KDM4C: variants seen among roughly 807,000 people sequenced by gnomAD.
KDM4C encodes the protein lysine demethylase 4C.
Under a neutral mutation model 129.3 loss-of-function variants are expected in KDM4C, and 81 were observed. The observed-to-expected ratio is 0.63, with a 90% CI of 0.52 to 0.75. The LOEUF (loss-of-function observed/expected upper bound fraction) is 0.75. Among genes scored for constraint, KDM4C ranks in the 30% least tolerant of loss-of-function variants. The pLI is 0.00. For missense variants in KDM4C, 1,457 were observed against 1,304.0 expected, an observed-to-expected ratio of 1.12 and a Z score of -1.81; for synonymous variants, 573 against 456.1, an observed-to-expected ratio of 1.26 and a Z score of -3.26.
chr9:7,103,594 T>TTTCTTC, intron 17 of KDM4C, 91 bp from the exon 18 acceptor site: 3 of 969,024 alleles, frequency 3.1e-6, no homozygotes, highest in South Asian at 1.7e-5. Context: ...TTTTTTTTTT[T>TTTCTTC]TCTTCTCTAG....
intron 18 of KDM4C, among the ~76,000 whole-genome samples, chr9:7,108,314 G>T (rs553845543): frequency 4.9e-4 from 75 of 152,168 alleles, no homozygotes; most frequent in African/African-American, 1.8e-3. Context: ...TCGACTCACT[G>T]CAACCTCTGC....
At chr9:7,125,135 C>T (rs1839904135) in intron 18 of KDM4C, among the ~76,000 whole-genome samples, 1 of 152,138 alleles carries the variant, frequency 6.6e-6, no homozygotes, top group Admixed American at 6.5e-5. Flanking sequence ...GTGCCCTGAC[C>T]CCTGCTCCCC....
intron 17 of KDM4C, among the ~76,000 whole-genome samples, chr9:7,051,781 C>A (rs1448141184): frequency 1.3e-5 from 2 of 152,166 alleles, no homozygotes; most frequent in African/African-American, 4.8e-5. Flanking sequence ...ATTTAGATGT[C>A]ATAATCAATT....
At chr9:6,761,804 T>G (rs1351178567) in intron 1 of KDM4C, among the ~76,000 whole-genome samples, 2 of 151,978 alleles carry the variant, frequency 1.3e-5, no homozygotes, top group Non-Finnish European at 2.9e-5. Context: ...TCTCCCAACC[T>G]CTGTCTCTTT....
intron 8 of KDM4C, among the ~76,000 whole-genome samples, chr9:6,951,998 C>T (rs1418515450): frequency 6.6e-6 from 1 of 151,976 alleles, no homozygotes. Context: ...CCTGCTGTTA[C>T]TTAGCTCATA....
chr9:6,836,063 A>G (rs1285449743), intron 4 of KDM4C, among the ~76,000 whole-genome samples: 6 of 151,934 alleles, frequency 3.9e-5, no homozygotes. Flanking sequence ...CCCCAGCTTG[A>G]GATGTATGAA....
chr9:7,136,414 T>G (rs1467708786), intron 19 of KDM4C, among the ~76,000 whole-genome samples: 1 of 152,232 alleles, frequency 6.6e-6, no homozygotes, highest in Non-Finnish European at 1.5e-5. Flanking sequence ...CAAACTGTTT[T>G]CCAAAGTGGC....
intron 2 of KDM4C, among the ~76,000 whole-genome samples, chr9:6,793,790 G>A (rs537147786): frequency 1.6e-4 from 24 of 151,900 alleles, no homozygotes; most frequent in Non-Finnish European, 2.4e-4. Flanking sequence ...TGATCCATCC[G>A]CCTCGGCTTC....
chr9:6,911,479 G>A lies in KDM4C; in HGVS notation c.921+18247G>A, dbSNP rs572493987. 1.1e-4 allele frequency among the ~76,000 whole-genome samples: 17 copies of A among 152,248 alleles called. No individual in the cohort carries two copies. In the South Asian group the frequency reaches 1.2e-3, roughly 11 times the overall value. On this transcript the variant is annotated intron_variant, in intron 8 of 21. Coordinates refer to ENST00000381309, the MANE Select transcript of KDM4C (RefSeq NM_015061.6). Reference sequence around the variant, plus strand: ...ATGATTTTGATGAATTACATATCCCGATTAAGAAAATAAGCTAGTACATTA... The same window carrying A: ...ATGATTTTGATGAATTACATATCCCAATTAAGAAAATAAGCTAGTACATTA...
At chr9:6,970,818 G>T in intron 8 of KDM4C, among the ~76,000 whole-genome samples, 1 of 17,140 alleles carries the variant, frequency 5.8e-5, no homozygotes, top group African/African-American at 2.6e-4. Flanking sequence ...CCCCCACCCC[G>T]GTCTCACCCC....
At chr9:7,157,791 T>C (rs1173578414) in intron 19 of KDM4C, among the ~76,000 whole-genome samples, 1 of 152,234 alleles carries the variant, frequency 6.6e-6, no homozygotes, top group Non-Finnish European at 1.5e-5. Context: ...TCAGTGCTCA[T>C]CAGGGATATT....
At chr9:6,813,107 G>A (rs1382810182) in intron 3 of KDM4C, among the ~76,000 whole-genome samples, 9 of 152,076 alleles carry the variant, frequency 5.9e-5, no homozygotes, top group Non-Finnish European at 4.4e-5. Flanking sequence ...CCTGGGAGGC[G>A]GAGGTTTCAG....
At chr9:6,752,108 C>A (rs188548004) in intron 1 of KDM4C, among the ~76,000 whole-genome samples, 2 of 150,010 alleles carry the variant, frequency 1.3e-5, no homozygotes, top group African/African-American at 5.0e-5. Context: ...CCGAGACGGG[C>A]GGATCACGAG....
At chr9:6,834,771 C>T (rs1466610979) in intron 4 of KDM4C, 16 of 1,209,310 alleles carry the variant, frequency 1.3e-5, no homozygotes, top group Non-Finnish European at 2.0e-5. Flanking sequence ...ATGCTGCTGA[C>T]CGAGGCCCCC....
intron 11 of KDM4C, among the ~76,000 whole-genome samples, chr9:6,989,795 G>A (rs1041722196): frequency 6.6e-6 from 1 of 151,972 alleles, no homozygotes; most frequent in Non-Finnish European, 1.5e-5. Context: ...TATTTTTGGC[G>A]ACAGGGTCTT....
At chr9:6,948,877 T>C (rs1365684691) in intron 8 of KDM4C, among the ~76,000 whole-genome samples, 1 of 152,174 alleles carries the variant, frequency 6.6e-6, no homozygotes, top group East Asian at 1.9e-4. Flanking sequence ...CTCCTATGTC[T>C]ACTTCTTTCT....
At chr9:6,760,611 C>T (rs1819263784) in intron 1 of KDM4C, among the ~76,000 whole-genome samples, 2 of 151,572 alleles carry the variant, frequency 1.3e-5, no homozygotes, top group Admixed American at 1.3e-4. Context: ...CACTCTGTTG[C>T]CCAGGCTGGA....
intron 4 of KDM4C, among the ~76,000 whole-genome samples, chr9:6,833,193 A>G (rs1438870217): frequency 6.6e-6 from 1 of 152,158 alleles, no homozygotes; most frequent in African/African-American, 2.4e-5. Context: ...GATTTTCTAC[A>G]AGAGCCATCT....
intron 3 of KDM4C, among the ~76,000 whole-genome samples, 180 bp from the exon 4 acceptor site, chr9:6,814,450 TC>T (rs1389488741): frequency 6.6e-6 from 1 of 152,218 alleles, no homozygotes; most frequent in African/African-American, 2.4e-5. Flanking sequence ...TATTCAGCAA[TC>T]TTAAGACTAT....
Sources: allele counts gnomAD v4.1 joint callset (sites outside exome capture counted in the v4.1 genomes callset), GRCh38; gene constraint gnomAD v4.1.1; transcripts MANE v1.5; gene names NCBI Gene and HGNC (gene_info 2026-07-23, HGNC 2026-07-21).